NRXN3: variants seen among roughly 807,000 people sequenced by gnomAD.
NRXN3 encodes the protein neurexin III.
A neutral mutation model predicts 137.6 loss-of-function variants in NRXN3; 32 were observed. That is an observed-to-expected ratio of 0.23 (90% CI 0.18 to 0.31). The LOEUF is 0.31. NRXN3 is among the 10% of genes least tolerant of loss of function. NRXN3 has a pLI of 1.00. For missense variants in NRXN3, 1,574 were observed against 2,062.5 expected (o/e 0.76, Z 4.59); for synonymous variants, 798 against 784.5 (o/e 1.02, Z -0.29).
intron 15 of NRXN3, among the ~76,000 whole-genome samples, chr14:79,041,124 T>C (rs1340951651): frequency 6.6e-6 from 1 of 152,174 alleles, no homozygotes; most frequent in East Asian, 1.9e-4. Flanking sequence ...TTCCTTTTAA[T>C]AGCTGTTGAC....
chr14:79,330,963 T>C (rs1010535518), intron 15 of NRXN3, among the ~76,000 whole-genome samples: 4 of 152,164 alleles, frequency 2.6e-5, no homozygotes, highest in Non-Finnish European at 5.9e-5. Context: ...AACGTTTCAC[T>C]TAGAAAATGA....
chr14:79,244,989 G>A (rs189535472), intron 15 of NRXN3, among the ~76,000 whole-genome samples: 134 of 152,286 alleles, frequency 8.8e-4, no homozygotes, highest in African/African-American at 3.0e-3. Context: ...AACAGTGGAA[G>A]GAGGTTAGCT....
chr14:79,144,190 A>G (rs2059082305), intron 15 of NRXN3, among the ~76,000 whole-genome samples: 1 of 152,200 alleles, frequency 6.6e-6, no homozygotes, highest in South Asian at 2.1e-4. Flanking sequence ...TTTGGACAAC[A>G]TAGAAATTAT....
intron 4 of NRXN3, among the ~76,000 whole-genome samples, chr14:78,537,567 C>G (rs1464237826): frequency 6.6e-6 from 1 of 152,184 alleles, no homozygotes; most frequent in Non-Finnish European, 1.5e-5. Context: ...GTTGCTTGTT[C>G]ACTCTGATAG....
At chr14:79,457,537 C>A (rs2096273532) in intron 15 of NRXN3, among the ~76,000 whole-genome samples, 1 of 152,128 alleles carries the variant, frequency 6.6e-6, no homozygotes, top group African/African-American at 2.4e-5. Flanking sequence ...TTCTTTTCAT[C>A]CAATTCTGAC....
chr14:78,355,398 A>G (rs2084141740), intron 4 of NRXN3, among the ~76,000 whole-genome samples: 1 of 150,800 alleles, frequency 6.6e-6, no homozygotes, highest in Non-Finnish European at 1.5e-5. Flanking sequence ...TCTTTCAGTC[A>G]TAGAGTCTTT....
At chr14:79,767,546 A>G (rs1289543072) in intron 19 of NRXN3, among the ~76,000 whole-genome samples, 2 of 152,206 alleles carry the variant, frequency 1.3e-5, no homozygotes, top group Non-Finnish European at 2.9e-5. Context: ...TTTCTTCCTA[A>G]TAAGTAACAT....
intron 2 of NRXN3, among the ~76,000 whole-genome samples, chr14:78,258,959 C>G (rs182880117): frequency 4.6e-5 from 7 of 151,916 alleles, no homozygotes; most frequent in African/African-American, 1.2e-4. Flanking sequence ...AGTGAAACAC[C>G]GTTTCTACTA....
intron 17 of NRXN3, among the ~76,000 whole-genome samples, chr14:79,681,547 C>T (rs1054525095): frequency 6.6e-6 from 1 of 152,014 alleles, no homozygotes; most frequent in African/African-American, 2.4e-5. Context: ...CAGGTGTAGG[C>T]AGCAGGCAAG....
chr14:78,791,643 C>T (rs1348191103), intron 8 of NRXN3, among the ~76,000 whole-genome samples: 1 of 152,092 alleles, frequency 6.6e-6, no homozygotes, highest in Non-Finnish European at 1.5e-5. Flanking sequence ...AAACAGACAA[C>T]GGGACTGAGA....
chr14:78,359,360 AG>A (rs1261484021), intron 4 of NRXN3, among the ~76,000 whole-genome samples: 2 of 152,194 alleles, frequency 1.3e-5, no homozygotes, highest in Non-Finnish European at 1.5e-5. Flanking sequence ...ACAGCCAGGC[AG>A]GGCAGGCTTT....
chr14:78,375,298 A>G (rs1311774284), intron 4 of NRXN3, among the ~76,000 whole-genome samples: 2 of 152,238 alleles, frequency 1.3e-5, no homozygotes, highest in Non-Finnish European at 2.9e-5. Context: ...GCCATTTGGA[A>G]CAACATGGCA....
At position 78,242,808 on chromosome 14, in the gene NRXN3, C is replaced by G. The variant is rs2067222105; in HGVS notation, c.-286C>G. On this transcript the variant is annotated 5_prime_UTR_variant, in exon 2 of 21. Transcript: ENST00000335750. The stretch of plus-strand genomic sequence containing the variant: ...GGAGAAAGACGCTTTCCTCTTTACT[C>G]CAGTCCCTCACTTCCCCACCTGATT... 8 of 439,102 alleles carry G rather than the reference C, an allele frequency of 1.8e-5. No homozygotes were observed. The East Asian group carries it at 2.1e-4, about 12-fold the overall frequency. 27.2% of individuals were successfully genotyped at this position (439,102 alleles called of 1,614,324 possible).
chr14:78,630,652 TG>T (rs2097512447), intron 4 of NRXN3, among the ~76,000 whole-genome samples: 1 of 150,986 alleles, frequency 6.6e-6, no homozygotes, highest in Non-Finnish European at 1.5e-5. Context: ...TCACCCAGGC[TG>T]GAGTGCAGTG....
chr14:79,342,027 A>G (rs946486265), intron 15 of NRXN3, among the ~76,000 whole-genome samples: 18 of 152,242 alleles, frequency 1.2e-4, no homozygotes, highest in African/African-American at 4.1e-4. Flanking sequence ...AATTTTGTCT[A>G]GACCTAATGC....
chr14:79,486,299 ACT>A (rs2096655235), intron 16 of NRXN3, among the ~76,000 whole-genome samples: 1 of 152,178 alleles, frequency 6.6e-6, no homozygotes, highest in South Asian at 2.1e-4. Flanking sequence ...AAAAAAATTA[ACT>A]CTGCACCAAT....
intron 16 of NRXN3, among the ~76,000 whole-genome samples, chr14:79,576,729 A>AT (rs1190502272): frequency 2.6e-5 from 4 of 151,904 alleles, no homozygotes; most frequent in African/African-American, 9.7e-5. Flanking sequence ...TTATCTGAGG[A>AT]TTTTTTCTTT....
intron 4 of NRXN3, among the ~76,000 whole-genome samples, chr14:78,491,240 G>A (rs1270092131): frequency 6.6e-6 from 1 of 152,218 alleles, no homozygotes; most frequent in South Asian, 2.1e-4. Flanking sequence ...TATGAGTCTC[G>A]TAAACCTGCA....
chr14:78,461,685 CAT>C (rs1279249700), intron 4 of NRXN3, among the ~76,000 whole-genome samples: 2 of 152,164 alleles, frequency 1.3e-5, no homozygotes, highest in African/African-American at 4.8e-5. Flanking sequence ...AAAAGAAAAA[CAT>C]AACACACTGA....
Sources: allele counts gnomAD v4.1 joint callset (sites outside exome capture counted in the v4.1 genomes callset), GRCh38; gene constraint gnomAD v4.1.1; transcripts MANE v1.5; gene names NCBI Gene and HGNC (gene_info 2026-07-23, HGNC 2026-07-21).